The following SNAP91 variants were observed in gnomAD, a reference collection of about 807,000 sequenced individuals.
SNAP91 encodes clathrin coat assembly protein AP180.
Under a neutral mutation model 100.3 loss-of-function variants are expected in SNAP91, and 27 were observed. The ratio of observed to expected loss-of-function variants is 0.27; its 90% CI spans 0.20 to 0.37. The LOEUF (loss-of-function observed/expected upper bound fraction) is 0.37, where lower values mean the gene tolerates loss of function less well. SNAP91 is among the 10% of genes least tolerant of loss of function. The pLI is 1.00. For synonymous variants in SNAP91, 404 were observed against 398.6 expected (o/e 1.01, Z -0.16); for missense variants, 986 against 1,123.7 (o/e 0.88, Z 1.75).
At chr6:83,653,155 C>T (rs566459166) in intron 7 of SNAP91, among the ~76,000 whole-genome samples, 2 of 152,008 alleles carry the variant, frequency 1.3e-5, no homozygotes, top group East Asian at 1.9e-4. Flanking sequence ...AATTCTCTGT[C>T]GTTATTATTT....
At chr6:83,663,293 T>C (rs1010993370) in intron 3 of SNAP91, among the ~76,000 whole-genome samples, 3 of 152,114 alleles carry the variant, frequency 2.0e-5, no homozygotes, top group African/African-American at 7.2e-5. Context: ...TCACTTTAAG[T>C]CAAGAGCTAG....
chr6:83,598,666 A>G (rs1409561251), intron 16 of SNAP91, among the ~76,000 whole-genome samples: 2 of 152,200 alleles, frequency 1.3e-5, no homozygotes, highest in Non-Finnish European at 2.9e-5. Flanking sequence ...TTTTCTGATT[A>G]TTCTAGAGTT....
At chr6:83,606,435 A>C (rs1317892657) in intron 13 of SNAP91, among the ~76,000 whole-genome samples, 1 of 152,208 alleles carries the variant, frequency 6.6e-6, no homozygotes, top group East Asian at 1.9e-4. Flanking sequence ...CTGTCTGTAG[A>C]ATCTCCAAGG....
intron 1 of SNAP91, chr6:83,708,625 G>C (rs577126033): frequency 6.6e-6 from 1 of 152,206 alleles, no homozygotes; most frequent in East Asian, 2.0e-4. Flanking sequence ...GGGGCCGCCC[G>C]GGAGCTCTGC....
chr6:83,618,798 T>C (rs2096599458), intron 9 of SNAP91, among the ~76,000 whole-genome samples: 1 of 151,886 alleles, frequency 6.6e-6, no homozygotes, highest in South Asian at 2.1e-4. Context: ...AAATAAGCCA[T>C]AGAACTTCTT....
At chr6:83,658,047 T>A (rs2098450330) in intron 6 of SNAP91, among the ~76,000 whole-genome samples, 1 of 151,558 alleles carries the variant, frequency 6.6e-6, no homozygotes, top group Non-Finnish European at 1.5e-5. Context: ...CCTCCCAAAG[T>A]TTGGGATTAC....
rs571714509 is a variant in SNAP91 at position 83,605,693 on chromosome 6, G to A, written c.1133C>T (p.Ala378Val). 5.3e-5 allele frequency: 83 copies of A among 1,552,052 alleles called. No homozygotes were observed. In the South Asian group the frequency reaches 9.5e-4, roughly 18 times the overall value. ...TGTCTGGTTTTACTCACCTCCCCAT[G>A]CAGTGGCTCCTCCAGCAGGTGGTGG... is the stretch of plus-strand genomic sequence containing the variant. The part of the protein sequence containing the change: ...APPPPAGGAT[A>V]WGDLLGEDSL... Residue 378 changes from alanine to valine, a missense_variant, in exon 14 of 30, where the codon GCA becomes GTA. Ala to Val is a moderately conservative substitution (Grantham distance 64). This residue lies in a region of SNAP91 where 575 missense variants were observed against 579.9 expected (regional missense o/e 0.99). Transcript: ENST00000369694.
rs573563134 is a variant in SNAP91 at position 83,581,348 on chromosome 6, A to C, written c.2150-749T>G. ...TAACTCTAAGGGCATAAGTAAATTA[A>C]ATACTATTTTAAGTATTAGGGATCA... On this transcript the variant is annotated intron_variant, in intron 23 of 29. Transcript: ENST00000369694. 2.6e-5 allele frequency among the ~76,000 whole-genome samples: 4 copies of C among 152,316 alleles called. No homozygotes were observed. In the South Asian group the frequency reaches 8.3e-4, roughly 32 times the overall value.
intron 2 of SNAP91, among the ~76,000 whole-genome samples, chr6:83,703,249 A>C (rs920494798): frequency 2.1e-4 from 32 of 151,962 alleles, no homozygotes; most frequent in African/African-American, 7.5e-4. Context: ...CTCAAATTCA[A>C]AGTTACTCTA....
chr6:83,682,922 C>T (rs2099011876), intron 2 of SNAP91, among the ~76,000 whole-genome samples: 1 of 151,980 alleles, frequency 6.6e-6, no homozygotes, highest in Non-Finnish European at 1.5e-5. Context: ...CATTTCTTCA[C>T]TCAAGACTTG....
At chr6:83,650,731 T>C (rs2128642081) in intron 7 of SNAP91, among the ~76,000 whole-genome samples, 1 of 152,310 alleles carries the variant, frequency 6.6e-6, no homozygotes, top group Middle Eastern at 3.4e-3. Flanking sequence ...TTCCTTTTCT[T>C]GTAATGTCTT....
chr6:83,663,823 A>G (rs1330193086), intron 3 of SNAP91, among the ~76,000 whole-genome samples: 1 of 152,302 alleles, frequency 6.6e-6, no homozygotes, highest in East Asian at 1.9e-4. Flanking sequence ...AGAAGATGCC[A>G]TCTAGAACTT....
intron 2 of SNAP91, among the ~76,000 whole-genome samples, chr6:83,671,735 T>C (rs2098790024): frequency 6.6e-6 from 1 of 152,110 alleles, no homozygotes; most frequent in Admixed American, 6.6e-5. Context: ...ATATAAGTAA[T>C]TGTTCACTAA....
intron 23 of SNAP91, among the ~76,000 whole-genome samples, chr6:83,581,728 G>A (rs1285014345): frequency 6.6e-6 from 1 of 152,172 alleles, no homozygotes; most frequent in South Asian, 2.1e-4. Context: ...CATGGGAAGA[G>A]TAGAATGGAA....
intron 17 of SNAP91, among the ~76,000 whole-genome samples, chr6:83,594,046 A>G (rs1321870686): frequency 6.6e-6 from 1 of 152,162 alleles, no homozygotes; most frequent in Non-Finnish European, 1.5e-5. Flanking sequence ...TATTTGGTCA[A>G]TCTGGTAGCT....
chr6:83,585,384 G>C (rs921243714), intron 22 of SNAP91, among the ~76,000 whole-genome samples: 4 of 151,998 alleles, frequency 2.6e-5, no homozygotes, highest in African/African-American at 9.7e-5. Flanking sequence ...AAATTAGCCA[G>C]GGGGCATGAT....
intron 2 of SNAP91, among the ~76,000 whole-genome samples, chr6:83,673,351 A>C (rs2098815574): frequency 6.6e-6 from 1 of 152,128 alleles, no homozygotes; most frequent in South Asian, 2.1e-4. Context: ...AGAGCATACT[A>C]GTTCTTTCCT....
chr6:83,636,847 T>C (rs951759575), intron 8 of SNAP91, among the ~76,000 whole-genome samples: 1 of 152,248 alleles, frequency 6.6e-6, no homozygotes, highest in Non-Finnish European at 1.5e-5. Flanking sequence ...TGTTTTTACA[T>C]TCTTTTTTCC....
intron 8 of SNAP91, among the ~76,000 whole-genome samples, chr6:83,637,675 G>C (rs1259611925): frequency 6.6e-6 from 1 of 152,162 alleles, no homozygotes; most frequent in Non-Finnish European, 1.5e-5. Context: ...TGGCTTTCAG[G>C]CGGCACCCTT....
Sources: gnomAD v4.1 joint callset for allele counts (sites outside exome capture counted in the v4.1 genomes callset) on GRCh38, gnomAD v4.1.1 for gene constraint, gnomAD v4.1.1 regional missense constraint, MANE v1.5 for transcripts, NCBI Gene and HGNC (gene_info 2026-07-23, HGNC 2026-07-21) for gene names.